The following ELOVL6 variants were observed in gnomAD, a reference collection of about 807,000 sequenced individuals.
The protein encoded by ELOVL6 is ELOVL fatty acid elongase 6, also known as very long chain fatty acid elongase 6.
A neutral mutation model predicts 31.7 loss-of-function variants in ELOVL6; 8 were observed. That is an observed-to-expected ratio of 0.25 (90% CI 0.15 to 0.45). The LOEUF is 0.45. Ranked by LOEUF, ELOVL6 falls within the 20% of genes least tolerant of loss-of-function variation. The probability of loss-of-function intolerance (pLI) is 1.00; values close to 1 mark genes in which losing one functional copy is unlikely to be tolerated. For synonymous variants in ELOVL6, 101 were observed against 117.7 expected, an observed-to-expected ratio of 0.86 and a Z score of 0.92; for missense variants, 126 against 326.4, an observed-to-expected ratio of 0.39 and a Z score of 4.73.
At chr4:110,111,333 A>G (rs1005594) in intron 1 of ELOVL6, among the ~76,000 whole-genome samples, 103,624 of 150,648 alleles carry the variant, frequency 0.69, 36,048 homozygotes, top group East Asian at 0.82. Flanking sequence ...GCAGGTTATC[A>G]ATTCCCTTTG....
intron 2 of ELOVL6, among the ~76,000 whole-genome samples, chr4:110,084,401 GATATATGAC>G (rs1455585341): frequency 5.7e-5 from 1 of 17,508 alleles, no homozygotes; most frequent in African/African-American, 1.3e-4. Context: ...TATGATATAT[GATATATGAC>G]ATACATGATA....
chr4:110,174,260 C>T (rs1759036412), intron 1 of ELOVL6, among the ~76,000 whole-genome samples: 1 of 150,716 alleles, frequency 6.6e-6, no homozygotes, highest in Non-Finnish European at 1.5e-5. Flanking sequence ...ACCTCCGCAA[C>T]TCAAGAGATT....
At chr4:110,092,821 G>A (rs569232381) in intron 2 of ELOVL6, among the ~76,000 whole-genome samples, 97 of 150,024 alleles carry the variant, frequency 6.5e-4, no homozygotes, top group African/African-American at 2.3e-3. Context: ...ACACACACAC[G>A]TGCACACATC....
chr4:110,141,190 A>G (rs541240510), intron 1 of ELOVL6, among the ~76,000 whole-genome samples: 14 of 152,186 alleles, frequency 9.2e-5, no homozygotes, highest in Non-Finnish European at 1.8e-4. Context: ...CAGCCTCCCA[A>G]GTAGCTGGGA....
chr4:110,102,137 CAAATTCTGGCTTAAAA>C (rs1756759402), intron 2 of ELOVL6, among the ~76,000 whole-genome samples: 1 of 152,082 alleles, frequency 6.6e-6, no homozygotes, highest in Non-Finnish European at 1.5e-5. Flanking sequence ...CAATGTTTCC[CAAATTCTGGCTTAAAA>C]AAATTAAGAT....
chr4:110,149,334 G>A (rs1302550495), intron 1 of ELOVL6, among the ~76,000 whole-genome samples: 1 of 152,194 alleles, frequency 6.6e-6, no homozygotes. Context: ...GCCCTTTTAT[G>A]TTTATCACAG....
chr4:110,130,136 C>T (rs771531042), intron 1 of ELOVL6, among the ~76,000 whole-genome samples: 73 of 151,946 alleles, frequency 4.8e-4, no homozygotes, highest in East Asian at 5.8e-4. Context: ...GACCTCGTGA[C>T]CCGCCCACCT....
chr4:110,147,626 C>CA (rs962193590), intron 1 of ELOVL6, among the ~76,000 whole-genome samples: 2 of 151,982 alleles, frequency 1.3e-5, no homozygotes, highest in African/African-American at 2.4e-5. Context: ...CCCATCTCTA[C>CA]AAAAAAATAC....
chr4:110,158,653 A>ATTTT (rs1239958584), intron 1 of ELOVL6, among the ~76,000 whole-genome samples: 2 of 85,254 alleles, frequency 2.3e-5, no homozygotes, highest in African/African-American at 1.3e-4. Context: ...ATATATATAT[A>ATTTT]TATATTTTTT....
chr4:110,160,415 G>A (rs1044182363), intron 1 of ELOVL6, among the ~76,000 whole-genome samples: 2 of 152,106 alleles, frequency 1.3e-5, no homozygotes, highest in East Asian at 1.9e-4. Context: ...AGCAGGAATC[G>A]CTATCAGACA....
At chr4:110,066,740 T>A (rs994575744) in intron 2 of ELOVL6, among the ~76,000 whole-genome samples, 1 of 151,912 alleles carries the variant, frequency 6.6e-6, no homozygotes, top group African/African-American at 2.4e-5. Context: ...TTTCCACACT[T>A]GAGAACAAGC....
intron 1 of ELOVL6, among the ~76,000 whole-genome samples, chr4:110,114,467 A>C (rs1757121919): frequency 6.6e-6 from 1 of 152,184 alleles, no homozygotes; most frequent in South Asian, 2.1e-4. Context: ...TTCCTGGCTA[A>C]AAACTTCCTG....
chr4:110,093,161 CAT>C (rs1311909569), intron 2 of ELOVL6: 1 of 439,932 alleles, frequency 2.3e-6, no homozygotes, highest in Non-Finnish European at 4.5e-6. Context: ...TTACAGAAGT[CAT>C]ATTTTTGTCC....
chr4:110,111,310 A>C (rs1757027661), intron 1 of ELOVL6, among the ~76,000 whole-genome samples: 1 of 151,976 alleles, frequency 6.6e-6, no homozygotes, highest in Non-Finnish European at 1.5e-5. Flanking sequence ...AAGACTCTTT[A>C]ATACTTAAAT....
intron 1 of ELOVL6, among the ~76,000 whole-genome samples, chr4:110,195,826 G>T (rs1759758922): frequency 6.6e-6 from 1 of 150,836 alleles, no homozygotes; most frequent in Non-Finnish European, 1.5e-5. Context: ...AAAGCACTCT[G>T]CTAGGTGCTT....
At chr4:110,176,369 G>GC (rs1759105591) in intron 1 of ELOVL6, among the ~76,000 whole-genome samples, 1 of 151,982 alleles carries the variant, frequency 6.6e-6, no homozygotes, top group African/African-American at 2.4e-5. Flanking sequence ...CACCATGTTG[G>GC]CAGGCTGGTT....
chr4:110,057,342 A>G (rs1557803), intron 3 of ELOVL6, among the ~76,000 whole-genome samples: 76,035 of 151,524 alleles, frequency 0.5, 22,413 homozygotes, highest in African/African-American at 0.8. Flanking sequence ...AAAAAAATTG[A>G]GGGGGAAGTA....
chr4:110,167,099 C>T (rs1758799974), intron 1 of ELOVL6, among the ~76,000 whole-genome samples: 1 of 152,174 alleles, frequency 6.6e-6, no homozygotes, highest in Non-Finnish European at 1.5e-5. Context: ...GCTGACTTGA[C>T]CCAAGAAGAC....
intron 2 of ELOVL6, among the ~76,000 whole-genome samples, chr4:110,080,319 GA>G (rs1755796961): frequency 6.6e-6 from 1 of 152,178 alleles, no homozygotes; most frequent in Admixed American, 6.5e-5. Context: ...TATCCCTGAT[GA>G]ACATTGATGC....
Sources: allele counts gnomAD v4.1 joint callset (sites outside exome capture counted in the v4.1 genomes callset), GRCh38; gene constraint gnomAD v4.1.1; transcripts MANE v1.5; gene names NCBI Gene and HGNC (gene_info 2026-07-23, HGNC 2026-07-21).